Variants in DNAH14 observed in about 807,000 individuals in gnomAD.
DNAH14 encodes dynein axonemal heavy chain 14.
A neutral mutation model predicts 520.9 loss-of-function variants in DNAH14; 478 were observed. The observed-to-expected ratio is 0.92, with a 90% CI of 0.85 to 0.99. DNAH14 has a LOEUF of 0.99. Ranked by LOEUF, DNAH14 falls within the 50% of genes least tolerant of loss-of-function variation. The probability of loss-of-function intolerance (pLI) is 0.00; values close to 1 mark genes in which losing one functional copy is unlikely to be tolerated. For missense variants in DNAH14, 4,831 were observed against 5,234.5 expected, an observed-to-expected ratio of 0.92 and a Z score of 2.38; for synonymous variants, 1,581 against 1,757.2, an observed-to-expected ratio of 0.90 and a Z score of 2.51.
chr1:225,257,900 A>AG, intron 44 of DNAH14, 60 bp from the exon 45 acceptor site: 1 of 1,273,874 alleles, frequency 7.9e-7, no homozygotes, highest in South Asian at 1.5e-5. Context: ...AAAAAAAAAA[A>AG]AGATGAGGTG....
intron 76 of DNAH14, among the ~76,000 whole-genome samples, chr1:225,366,844 A>G (rs892764838): frequency 3.9e-5 from 6 of 152,166 alleles, no homozygotes; most frequent in Admixed American, 6.5e-5. Flanking sequence ...CCAAAGCAAA[A>G]GTCTGTCTCT....
rs978625011 is a variant in DNAH14 at position 225,240,472 on chromosome 1, G to C, written c.6519-121G>C. ...CATAAACTCTGAAACTTTTATGTTA[G>C]TACCTAACTGCATTACAATTTTTAA... On this transcript the variant is annotated intron_variant, in intron 42 of 85. Coordinates refer to ENST00000682510, the MANE Select transcript of DNAH14 (RefSeq NM_001367479.1). The C allele has an allele frequency of 2.8e-5, 17 of 598,950 alleles. No homozygotes were observed. In the East Asian group the frequency reaches 4.5e-4, roughly 16 times the overall value. 37.1% of individuals were successfully genotyped at this position (598,950 alleles called of 1,614,324 possible).
intron 27 of DNAH14, among the ~76,000 whole-genome samples, chr1:225,130,202 C>T (rs1490942382): frequency 6.6e-6 from 1 of 151,326 alleles, no homozygotes; most frequent in Non-Finnish European, 1.5e-5. Flanking sequence ...GAAATAGGAA[C>T]ACTTTTACAC....
rs1428508827 is a variant in DNAH14, at chr1:225,388,424, G to T, written c.13123G>T (p.Asp4375Tyr). The change falls in exon 82 of 86, where the codon GAT becomes TAT. Residue 4375 changes from aspartate (D) to tyrosine (Y), a missense_variant. By Grantham distance (160) the Asp-to-Tyr change is radical. Transcript: ENST00000682510. ...SCKPLSSWID[D>Y]LIQRLNFFNT... ...TAAGCCACTGAGTTCCTGGATTGAT[G>T]ATCTCATCCAGCGACTGAATTTCTT... The T allele has an allele frequency of 1.3e-6, 2 of 1,534,810 alleles. No homozygotes were observed. The highest frequency in any genetic ancestry group is 1.8e-6 in the Non-Finnish European group (2 of 1,133,478).
intron 21 of DNAH14, among the ~76,000 whole-genome samples, chr1:225,090,040 G>T (rs2074240861): frequency 6.6e-6 from 1 of 152,060 alleles, no homozygotes; most frequent in East Asian, 1.9e-4. Flanking sequence ...CCGATGACAT[G>T]ATTACCTATG....
In DNAH14 at chr1:225,185,946, G is replaced by GTTTTT. The variant is rs11443248; in HGVS notation, c.5670+534_5670+538dup. Among the ~76,000 whole-genome samples, 34 of 98,766 alleles carry GTTTTT rather than the reference G, an allele frequency of 3.4e-4. 3 individuals are homozygous for GTTTTT. In the East Asian group the frequency reaches 5.2e-3, roughly 15 times the overall value. 64.8% of individuals were successfully genotyped at this position (98,766 alleles called of 152,430 possible). The stretch of plus-strand genomic sequence containing the variant: ...GAATTTTCTATTCGCATTACACTTT[G>GTTTTT]TTTTTTTTTTTTTTTTTGGCTGTTA... On this transcript the variant is annotated intron_variant, in intron 37 of 85. Coordinates refer to ENST00000682510, the MANE Select transcript of DNAH14 (RefSeq NM_001367479.1).
At chr1:225,055,660 A>C (rs2068967187) in intron 17 of DNAH14, among the ~76,000 whole-genome samples, 1 of 150,790 alleles carries the variant, frequency 6.6e-6, no homozygotes, top group African/African-American at 2.4e-5. Context: ...AATATTAGGT[A>C]TATCTCCTAA....
chr1:225,213,411 A>T (rs757594574), intron 41 of DNAH14, among the ~76,000 whole-genome samples: 1 of 152,184 alleles, frequency 6.6e-6, no homozygotes, highest in Non-Finnish European at 1.5e-5. Context: ...GTTCCATATG[A>T]ACTTTGAAGT....
intron 73 of DNAH14, among the ~76,000 whole-genome samples, chr1:225,356,648 A>C (rs2095432649): frequency 6.6e-6 from 1 of 152,180 alleles, no homozygotes; most frequent in African/African-American, 2.4e-5. Context: ...GGACGTGGAG[A>C]TATGCCTGTA....
chr1:225,173,570 A>G (rs2082955027), intron 36 of DNAH14, among the ~76,000 whole-genome samples: 1 of 152,234 alleles, frequency 6.6e-6, no homozygotes, highest in African/African-American at 2.4e-5. Flanking sequence ...ATACCATTTC[A>G]CACCAGTTAG....
At chr1:225,335,943 A>G (rs2095025145) in intron 66 of DNAH14, among the ~76,000 whole-genome samples, 1 of 122,012 alleles carries the variant, frequency 8.2e-6, no homozygotes, top group African/African-American at 2.8e-5. Flanking sequence ...ATATATACAT[A>G]TATGTATATA....
At chr1:225,344,629 T>C (rs995567918) in intron 69 of DNAH14, among the ~76,000 whole-genome samples, 2 of 152,232 alleles carry the variant, frequency 1.3e-5, no homozygotes, top group East Asian at 1.9e-4. Context: ...CAGTCTATCA[T>C]TGATGGGCAT....
intron 11 of DNAH14, among the ~76,000 whole-genome samples, chr1:225,025,851 C>T (rs1392389844): frequency 1.3e-5 from 2 of 152,102 alleles, no homozygotes; most frequent in Admixed American, 6.5e-5. Flanking sequence ...AATCTGTTTC[C>T]ACTGACCTCT....
chr1:225,055,793 T>A (rs1460299381), intron 17 of DNAH14, among the ~76,000 whole-genome samples: 2 of 151,878 alleles, frequency 1.3e-5, no homozygotes, highest in Non-Finnish European at 2.9e-5. Context: ...GTGTTTGGTT[T>A]TTTGTCCTTG....
intron 1 of DNAH14, among the ~76,000 whole-genome samples, chr1:224,947,443 CTG>C (rs2125455843): frequency 1.3e-5 from 2 of 152,132 alleles, no homozygotes; most frequent in South Asian, 4.1e-4. Context: ...AACAAAAAAA[CTG>C]TTGAGATTCT....
chr1:225,307,399 C>A, intron 58 of DNAH14, 62 bp from the exon 59 acceptor site: 2 of 1,173,370 alleles, frequency 1.7e-6, no homozygotes, highest in South Asian at 3.1e-5. Flanking sequence ...TATATATTAT[C>A]AAATTATATT....
chr1:225,341,223 A>G lies in DNAH14; in HGVS notation c.10678+522A>G, dbSNP rs557911065. Among the ~76,000 whole-genome samples, 6 of 152,106 alleles carry G rather than the reference A, an allele frequency of 3.9e-5. No homozygotes were observed. The South Asian group carries it at 1.2e-3, about 32-fold the overall frequency. ...GGATTCCAGCAATTCTCCAGCCTCAACTTCCTGAGTACCTGGGATTACCAG... is the reference window on the plus strand; with the variant it reads ...GGATTCCAGCAATTCTCCAGCCTCAGCTTCCTGAGTACCTGGGATTACCAG... On this transcript the variant is annotated intron_variant, in intron 69 of 85. Coordinates refer to ENST00000682510, the MANE Select transcript of DNAH14 (RefSeq NM_001367479.1).
intron 1 of DNAH14, among the ~76,000 whole-genome samples, chr1:224,930,386 A>G (rs1571814544): frequency 1.3e-5 from 2 of 152,320 alleles, no homozygotes; most frequent in Admixed American, 1.3e-4. Flanking sequence ...ATATACAGTC[A>G]TGTGCCTCAT....
chr1:224,944,570 G>A (rs1050448686), intron 1 of DNAH14, among the ~76,000 whole-genome samples: 3 of 152,162 alleles, frequency 2.0e-5, no homozygotes, highest in Non-Finnish European at 4.4e-5. Context: ...GTTAGTTGAT[G>A]AAGTTTCTTC....
Sources: gnomAD v4.1 joint callset for allele counts (sites outside exome capture counted in the v4.1 genomes callset) on GRCh38, gnomAD v4.1.1 for gene constraint, MANE v1.5 for transcripts, NCBI Gene and HGNC (gene_info 2026-07-23, HGNC 2026-07-21) for gene names.